The following EDA2R variants were observed in gnomAD, a reference collection of about 807,000 sequenced individuals.
EDA2R encodes the protein tumor necrosis factor receptor superfamily member 27.
In EDA2R, 26 loss-of-function variants were observed where a neutral mutation model predicts 20.1. The ratio of observed to expected loss-of-function variants is 1.30; its 90% CI spans 0.95 to 1.80. EDA2R has a LOEUF of 1.80. EDA2R is among the 40% of genes most tolerant of loss of function. The pLI is 0.00. For missense variants in EDA2R, 277 were observed against 228.7 expected (o/e 1.21, Z -1.36); for synonymous variants, 114 against 88.7 (o/e 1.29, Z -1.60).
rs1214545206 is a variant in EDA2R at position 66,595,772 on chromosome X, GA to G, written c.*2331del. ...ATTTCTATAAATAACCCATTTATGA[GA>G]AAAAATAATTAAAATGTACCAATAT... is the stretch of plus-strand genomic sequence containing the variant. On this transcript the variant is annotated 3_prime_UTR_variant, in exon 7 of 7. Coordinates refer to ENST00000374719, the MANE Select transcript of EDA2R (RefSeq NM_021783.5). 1 of 111,633 alleles carries G rather than the reference GA, an allele frequency of 9.0e-6. No individual in the cohort carries two copies. The highest frequency in any genetic ancestry group is 3.3e-5 in the African/African-American group (1 of 30,717). 9.2% of individuals were successfully genotyped at this position (111,633 alleles called of 1,213,427 possible). A position where few individuals can be genotyped will look rare whatever the true frequency, so the allele number is the denominator to read the frequency against.
intron 1 of EDA2R, among the ~76,000 whole-genome samples, chrX:66,631,900 T>C (rs1225119275): frequency 8.9e-6 from 1 of 112,037 alleles, no homozygotes; most frequent in East Asian, 2.8e-4. Flanking sequence ...CAGAGGAACA[T>C]TTCAGTGGTC....
chrX:66,596,333 A>G lies in EDA2R; in HGVS notation c.*1771T>C, dbSNP rs941881293. ...TGCCATGGCCAAACAGAAATTATAA[A>G]GACGAAAATCCTTCACTTCACCTTT... is the stretch of plus-strand genomic sequence containing the variant. On this transcript the variant is annotated 3_prime_UTR_variant, in exon 7 of 7. Transcript: ENST00000374719. 5.4e-5 allele frequency: 6 copies of G among 111,023 alleles called. No individual in the cohort carries two copies. Among genetic ancestry groups the G allele is most frequent in the Admixed American group, 9.6e-5 (1 of 10,420 alleles). 9.1% of individuals were successfully genotyped at this position (111,023 alleles called of 1,213,427 possible).
At chrX:66,631,213 G>T (rs1933775769) in intron 1 of EDA2R, among the ~76,000 whole-genome samples, 1 of 110,739 alleles carries the variant, frequency 9.0e-6, no homozygotes, top group African/African-American at 3.3e-5. Context: ...TGGAGGGAAG[G>T]CAGTGAAGGG....
chrX:66,605,759 G>A (rs970803662), intron 2 of EDA2R, among the ~76,000 whole-genome samples: 3 of 112,081 alleles, frequency 2.7e-5, no homozygotes, highest in African/African-American at 9.7e-5. Context: ...AACTACAACA[G>A]GTACAAGAAA....
intron 1 of EDA2R, among the ~76,000 whole-genome samples, chrX:66,624,827 C>T (rs1932908239): frequency 8.9e-6 from 1 of 111,997 alleles, no homozygotes; most frequent in African/African-American, 3.2e-5. Flanking sequence ...ACTTTGAGCA[C>T]TCCAACAGCA....
rs1927356793 is a variant in EDA2R at position 66,595,931 on chromosome X, T to C, written c.*2173A>G. The C allele has an allele frequency of 9.1e-6, 1 of 109,356 alleles. No homozygotes were observed. Among genetic ancestry groups the C allele is most frequent in the Non-Finnish European group, 1.9e-5 (1 of 52,570 alleles). The allele number at this position is 109,356 out of a possible 1,213,427, so 9.0% of individuals were successfully genotyped here. A position where few individuals can be genotyped will look rare whatever the true frequency, so the allele number is the denominator to read the frequency against. ...TATGCTGTAGTGCTGAATCCTTTCC[T>C]AACCTGGATCTGAGAATCTTGGAGG... On this transcript the variant is annotated 3_prime_UTR_variant, in exon 7 of 7. Coordinates refer to ENST00000374719, the MANE Select transcript of EDA2R (RefSeq NM_021783.5).
chrX:66,612,811 T>A (rs2147775743), intron 2 of EDA2R, among the ~76,000 whole-genome samples: 1 of 111,745 alleles, frequency 8.9e-6, no homozygotes, highest in Non-Finnish European at 1.9e-5. Flanking sequence ...ATTAAATAAA[T>A]GAATAATTTT....
Position 66,597,227 on chromosome X carries a change from G to A in EDA2R, c.*877C>T, listed in dbSNP as rs1325739131. The stretch of plus-strand genomic sequence containing the variant: ...CTGAGCATGAGATGTATAGGTGGGA[G>A]CTAAAGGCAAAAAGACAATTGAGAA... On this transcript the variant is annotated 3_prime_UTR_variant, in exon 7 of 7. Transcript: ENST00000374719. The A allele has an allele frequency of 8.9e-6, 1 of 112,167 alleles. No homozygotes were observed. Among genetic ancestry groups the A allele is most frequent in the Non-Finnish European group, 1.9e-5 (1 of 53,254 alleles). The allele number at this position is 112,167 out of a possible 1,213,427, so 9.2% of individuals were successfully genotyped here.
chrX:66,602,317 T>G (rs1399330575), intron 5 of EDA2R, among the ~76,000 whole-genome samples: 1 of 111,185 alleles, frequency 9.0e-6, no homozygotes, highest in Non-Finnish European at 1.9e-5. Flanking sequence ...TACACGGTGA[T>G]TTAGAGGTAG....
At chrX:66,637,358 G>T (rs1934430100) in intron 1 of EDA2R, among the ~76,000 whole-genome samples, 1 of 111,195 alleles carries the variant, frequency 9.0e-6, no homozygotes, top group South Asian at 3.8e-4. Context: ...TCCCCCTCTT[G>T]TGTTTTCCTA....
Position 66,602,933 on chromosome X carries a change from CTTCT to C in EDA2R, c.353-140_353-137del, listed in dbSNP as rs956218827. On this transcript the variant is annotated intron_variant, in intron 4 of 6. Transcript: ENST00000374719. Reference sequence around the variant, plus strand: ...AATTAGGGTGGCTATGCTGGTTTTACTTCTTTCTAGAGCAGGCAAAATTATAAAG... The same window carrying C: ...AATTAGGGTGGCTATGCTGGTTTTACTTCTAGAGCAGGCAAAATTATAAAG... 4 of 561,393 alleles carry C rather than the reference CTTCT, an allele frequency of 7.1e-6. No individual in the cohort carries two copies. The African/African-American group carries it at 9.6e-5, about 13-fold the overall frequency. 46.3% of individuals were successfully genotyped at this position (561,393 alleles called of 1,213,427 possible).
chrX:66,602,050 T>C (rs779557092), intron 5 of EDA2R, among the ~76,000 whole-genome samples: 2 of 112,051 alleles, frequency 1.8e-5, no homozygotes, highest in Non-Finnish European at 3.8e-5. Context: ...ACTCTGGACA[T>C]AGGGCTTTCA....
At chrX:66,609,098 G>A (rs1930245998) in intron 2 of EDA2R, among the ~76,000 whole-genome samples, 1 of 111,632 alleles carries the variant, frequency 9.0e-6, no homozygotes, top group South Asian at 3.7e-4. Context: ...ACTGGTATGT[G>A]AACTGTATTT....
At chrX:66,625,982 G>T (rs1402603254) in intron 1 of EDA2R, among the ~76,000 whole-genome samples, 1 of 111,377 alleles carries the variant, frequency 9.0e-6, no homozygotes, top group Non-Finnish European at 1.9e-5. Context: ...CTACATCAAG[G>T]GAACACCCCA....
chrX:66,602,838 A>C (rs901953717), intron 4 of EDA2R, 41 bp from the exon 5 acceptor site: 1 of 1,113,789 alleles, frequency 9.0e-7, no homozygotes, highest in African/African-American at 1.8e-5. Context: ...TAGCATGGGC[A>C]GTAAACAGTC....
chrX:66,603,513 CT>C (rs1178149192), intron 4 of EDA2R, among the ~76,000 whole-genome samples: 6 of 111,774 alleles, frequency 5.4e-5, no homozygotes, highest in African/African-American at 2.0e-4. Flanking sequence ...TCTCCTCCAT[CT>C]CTTCCCCTGT....
chrX:66,599,356 T>G, intron 6 of EDA2R, 118 bp downstream of exon 6: 1 of 841,422 alleles, frequency 1.2e-6, no homozygotes, highest in Non-Finnish European at 1.6e-6. Context: ...GTTCCTAGCT[T>G]GCTGCTGTTC....
At chrX:66,603,474 C>T (rs582719) in intron 4 of EDA2R, among the ~76,000 whole-genome samples, 1 of 111,627 alleles carries the variant, frequency 9.0e-6, no homozygotes, top group African/African-American at 3.3e-5. Flanking sequence ...TGTGTCACTT[C>T]CAGACTGAGG....
rs1164034881 is a variant in EDA2R, at chrX:66,637,699, G to A, written c.-11+1296C>T. Among the ~76,000 whole-genome samples, 3 of 112,491 alleles carry A rather than the reference G, an allele frequency of 2.7e-5. No homozygotes were observed. The Admixed American group carries it at 2.8e-4, about 11-fold the overall frequency. On this transcript the variant is annotated intron_variant, in intron 1 of 6. Transcript: ENST00000374719. ...GTTGAAATCTTATCTGTGTGCCACA[G>A]TCTATCTTAAATAATAATAGTTAAT...
Sources: allele counts gnomAD v4.1 joint callset (sites outside exome capture counted in the v4.1 genomes callset), GRCh38; gene constraint gnomAD v4.1.1; transcripts MANE v1.5; gene names NCBI Gene and HGNC (gene_info 2026-07-23, HGNC 2026-07-21).